ZNF740: variants seen among roughly 807,000 people sequenced by gnomAD.
The protein encoded by ZNF740 is oriLyt TD-element-binding protein 7.
A neutral mutation model predicts 24.8 loss-of-function variants in ZNF740; 14 were observed. The ratio of observed to expected loss-of-function variants is 0.56; its 90% CI spans 0.37 to 0.88. The LOEUF is 0.88. Ranked by LOEUF, ZNF740 falls within the 40% of genes least tolerant of loss-of-function variation. The probability of loss-of-function intolerance (pLI) is 0.00; values close to 1 mark genes in which losing one functional copy is unlikely to be tolerated. For synonymous variants in ZNF740, 69 were observed against 84.0 expected (o/e 0.82, Z 0.98); for missense variants, 201 against 247.9 (o/e 0.81, Z 1.27).
Position 53,191,958 on chromosome 12 carries a change from C to G in ZNF740, c.*4368C>G, listed in dbSNP as rs1941968358. 1.2e-6 allele frequency: 2 copies of G among 1,611,982 alleles called. No individual in the cohort carries two copies. The highest frequency in any genetic ancestry group is 1.7e-5 in the Admixed American group (1 of 60,018). On this transcript the variant is annotated 3_prime_UTR_variant, in exon 7 of 7. Transcript: ENST00000416904. ...GCCGGTAAGCCAGGACCAGCCCCAGCCCCACTGCCACGATGCCCCCTACGC... is the reference window on the plus strand; with the variant it reads ...GCCGGTAAGCCAGGACCAGCCCCAGGCCCACTGCCACGATGCCCCCTACGC...
Position 53,187,694 on chromosome 12 carries a change from C to G in ZNF740, c.*104C>G, listed in dbSNP as rs1941850485. 1.1e-6 allele frequency: 1 copy of G among 916,030 alleles called. No homozygotes were observed. The highest frequency in any genetic ancestry group is 1.4e-5 in the South Asian group (1 of 70,528). The allele number at this position is 916,030 out of a possible 1,614,324, so 56.7% of individuals were successfully genotyped here. A position where few individuals can be genotyped will look rare whatever the true frequency, so the allele number is the denominator to read the frequency against. Reference sequence around the variant, plus strand: ...CACCGCCCCATGTGAACCTGTCCCACTCCTGGAGGAGTGGACCCAGGAGAC... The same window carrying G: ...CACCGCCCCATGTGAACCTGTCCCAGTCCTGGAGGAGTGGACCCAGGAGAC... On this transcript the variant is annotated 3_prime_UTR_variant, in exon 7 of 7. Coordinates refer to ENST00000416904, the MANE Select transcript of ZNF740 (RefSeq NM_001004304.4).
chr12:53,192,783 G>C lies in ZNF740; in HGVS notation c.*5193G>C. 1 of 1,614,240 alleles carries C rather than the reference G, an allele frequency of 6.2e-7. No homozygotes were observed. The highest frequency in any genetic ancestry group is 8.5e-7 in the Non-Finnish European group (1 of 1,180,050). On this transcript the variant is annotated 3_prime_UTR_variant, in exon 7 of 7. Coordinates refer to ENST00000416904, the MANE Select transcript of ZNF740 (RefSeq NM_001004304.4). ...AGCACTGGCAGCGGTTGCATTTGCA[G>C]CGTCCATGCCCACTGCAGAGCCCTC...
rs1339906225 is a variant in ZNF740, at chr12:53,187,472, C to G, written c.493-29C>G. On this transcript the variant is annotated intron_variant, in intron 6 of 6. Coordinates refer to ENST00000416904, the MANE Select transcript of ZNF740 (RefSeq NM_001004304.4). ...CAACAGGTAGCTGCGTTTGTCTGCTCAGGCACTTAACCCTCCCTTTCTTCT... is the reference window on the plus strand; with the variant it reads ...CAACAGGTAGCTGCGTTTGTCTGCTGAGGCACTTAACCCTCCCTTTCTTCT... 6 of 1,600,248 alleles carry G rather than the reference C, an allele frequency of 3.7e-6. No individual in the cohort carries two copies. In the Admixed American group the frequency reaches 1.0e-4, roughly 27 times the overall value.
intron 2 of ZNF740, among the ~76,000 whole-genome samples, chr12:53,184,150 T>TGTGTGTGCGCGCACGCGCGC (rs59250662): frequency 9.6e-6 from 1 of 104,346 alleles, no homozygotes; most frequent in African/African-American, 3.7e-5. Context: ...TGTGTGTGTG[T>TGTGTGTGCGCGCACGCGCGC]GCGCGCGCGC....
chr12:53,187,690 C>T lies in ZNF740; in HGVS notation c.*100C>T. ...CCACCACCGCCCCATGTGAACCTGT[C>T]CCACTCCTGGAGGAGTGGACCCAGG... On this transcript the variant is annotated 3_prime_UTR_variant, in exon 7 of 7. Coordinates refer to ENST00000416904, the MANE Select transcript of ZNF740 (RefSeq NM_001004304.4). 1.0e-6 allele frequency: 1 copy of T among 960,900 alleles called. No individual in the cohort carries two copies. Among genetic ancestry groups the T allele is most frequent in the Non-Finnish European group, 1.6e-6 (1 of 610,590 alleles). The allele number at this position is 960,900 out of a possible 1,614,324, so 59.5% of individuals were successfully genotyped here.
At chr12:53,181,287 C>T in intron 1 of ZNF740, 3 of 985,452 alleles carry the variant, frequency 3.0e-6, no homozygotes, top group Non-Finnish European at 2.4e-6. Context: ...CTGCCCGCCA[C>T]CGAAGCACCC....
At chr12:53,181,089 C>A (rs1334201047) in intron 1 of ZNF740, 1 of 902,374 alleles carries the variant, frequency 1.1e-6, no homozygotes, top group Non-Finnish European at 1.3e-6. Flanking sequence ...ACGCATCTCG[C>A]GCGCTTCTCG....
rs371965955 is a variant in ZNF740, at chr12:53,194,359, C to T, written c.*6769C>T. ...GAAGACAGGCTCTATGGGAAGAGAG[C>T]GAGTGGATAACCACGTGAAGGCAGA... On this transcript the variant is annotated 3_prime_UTR_variant, in exon 7 of 7. Transcript: ENST00000416904. The T allele has an allele frequency of 6.2e-6, 10 of 1,613,260 alleles. No individual in the cohort carries two copies. The highest frequency in any genetic ancestry group is 5.1e-6 in the Non-Finnish European group (6 of 1,179,598).
intron 3 of ZNF740, 142 bp from the exon 4 acceptor site, chr12:53,185,245 G>C: frequency 8.7e-7 from 1 of 1,143,180 alleles, no homozygotes; most frequent in Non-Finnish European, 1.2e-6. Context: ...CAGGTGCTTG[G>C]AGAGGAAATA....
In ZNF740 at chr12:53,181,843, T is replaced by C; in HGVS notation, c.-141T>C. The C allele has an allele frequency of 9.2e-7, 1 of 1,083,224 alleles. No individual in the cohort carries two copies. Among genetic ancestry groups the C allele is most frequent in the Non-Finnish European group, 1.3e-6 (1 of 748,210 alleles). 67.1% of individuals were successfully genotyped at this position (1,083,224 alleles called of 1,614,324 possible). A position where few individuals can be genotyped will look rare whatever the true frequency, so the allele number is the denominator to read the frequency against. ...CACTAAGTTCTATTTGAAGACAAAGTTCAATATGGCAACAGGACTGATGGG... is the reference window on the plus strand; with the variant it reads ...CACTAAGTTCTATTTGAAGACAAAGCTCAATATGGCAACAGGACTGATGGG... On this transcript the variant is annotated 5_prime_UTR_variant, in exon 2 of 7. Transcript: ENST00000416904.
At position 53,193,790 on chromosome 12, in the gene ZNF740, A is replaced by G; in HGVS notation, c.*6200A>G. 2 of 1,614,126 alleles carry G rather than the reference A, an allele frequency of 1.2e-6. No homozygotes were observed. Among genetic ancestry groups the G allele is most frequent in the Admixed American group, 3.3e-5 (2 of 60,004 alleles). On this transcript the variant is annotated 3_prime_UTR_variant, in exon 7 of 7. Coordinates refer to ENST00000416904, the MANE Select transcript of ZNF740 (RefSeq NM_001004304.4). Reference sequence around the variant, plus strand: ...TGGGTGTCACTGCAATTACAGTCACACAGCGTGTGCAACTCCACAATCAGC... The same window carrying G: ...TGGGTGTCACTGCAATTACAGTCACGCAGCGTGTGCAACTCCACAATCAGC...
At position 53,192,976 on chromosome 12, in the gene ZNF740, C is replaced by G; in HGVS notation, c.*5386C>G. ...ACACACAGTTGGCCATCATGTGGCACGACAAGCCCACGCATCCAATCTTTT... is the reference window on the plus strand; with the variant it reads ...ACACACAGTTGGCCATCATGTGGCAGGACAAGCCCACGCATCCAATCTTTT... On this transcript the variant is annotated 3_prime_UTR_variant, in exon 7 of 7. Coordinates refer to ENST00000416904, the MANE Select transcript of ZNF740 (RefSeq NM_001004304.4). 2.0e-6 allele frequency: 3 copies of G among 1,513,804 alleles called. No individual in the cohort carries two copies. The highest frequency in any genetic ancestry group is 1.1e-5 in the South Asian group (1 of 87,678). The allele number at this position is 1,513,804 out of a possible 1,614,324, so 93.8% of individuals were successfully genotyped here.
chr12:53,181,562 T>A (rs538769577), intron 1 of ZNF740, 115 bp from the exon 2 acceptor site: 3 of 947,832 alleles, frequency 3.2e-6, no homozygotes, highest in Non-Finnish European at 3.8e-6. Context: ...TCTTGACTCA[T>A]GTCCTCGTTC....
Position 53,187,825 on chromosome 12 carries a change from G to A in ZNF740, c.*235G>A. 1 of 521,412 alleles carries A rather than the reference G, an allele frequency of 1.9e-6. No homozygotes were observed. The highest frequency in any genetic ancestry group is 2.0e-5 in the South Asian group (1 of 48,834). 32.3% of individuals were successfully genotyped at this position (521,412 alleles called of 1,614,324 possible). A position where few individuals can be genotyped will look rare whatever the true frequency, so the allele number is the denominator to read the frequency against. ...TCTTACAGCATTCCTGGGTAGGGGAGCTAGTCCCTGGACCCTTGGCTGAGG... is the reference window on the plus strand; with the variant it reads ...TCTTACAGCATTCCTGGGTAGGGGAACTAGTCCCTGGACCCTTGGCTGAGG... On this transcript the variant is annotated 3_prime_UTR_variant, in exon 7 of 7. Coordinates refer to ENST00000416904, the MANE Select transcript of ZNF740 (RefSeq NM_001004304.4).
chr12:53,180,893 T>C (rs772419018), intron 1 of ZNF740, 56 bp downstream of exon 1: 4 of 1,153,190 alleles, frequency 3.5e-6, no homozygotes. Flanking sequence ...AGCGCTTCAG[T>C]AGCTCGCAAG....
In ZNF740 at chr12:53,191,182, G is replaced by T. The variant is rs368436956; in HGVS notation, c.*3592G>T. Reference sequence around the variant, plus strand: ...TTCCTGGGTCCCAGGGTGCACCCCGGGAGTTTCCTGCACATTCGCGCTTGG... The same window carrying T: ...TTCCTGGGTCCCAGGGTGCACCCCGTGAGTTTCCTGCACATTCGCGCTTGG... On this transcript the variant is annotated 3_prime_UTR_variant, in exon 7 of 7. Coordinates refer to ENST00000416904, the MANE Select transcript of ZNF740 (RefSeq NM_001004304.4). 19 of 279,902 alleles carry T rather than the reference G, an allele frequency of 6.8e-5. No individual in the cohort carries two copies. The highest frequency in any genetic ancestry group is 1.2e-3 in the Middle Eastern group (1 of 808). The allele number at this position is 279,902 out of a possible 1,614,324, so 17.3% of individuals were successfully genotyped here.
rs916008682 is a variant in ZNF740, at chr12:53,194,325, G to C, written c.*6735G>C. On this transcript the variant is annotated 3_prime_UTR_variant, in exon 7 of 7. Coordinates refer to ENST00000416904, the MANE Select transcript of ZNF740 (RefSeq NM_001004304.4). ...AGGAGGGAGTGAAGAGTGTTCAAGG[G>C]TCACGGTGGAAGACAGGCTCTATGG... 2 of 1,613,932 alleles carry C rather than the reference G, an allele frequency of 1.2e-6. No homozygotes were observed. The highest frequency in any genetic ancestry group is 1.7e-6 in the Non-Finnish European group (2 of 1,180,000).
rs763369188 is a variant in ZNF740, at chr12:53,180,741, G to A, written c.-404G>A. ...GTGTTTGTAAACTTGCCTCGGTCCCGGTGGGGGCAGCCGCGGCGGTGGGGT... is the reference window on the plus strand; with the variant it reads ...GTGTTTGTAAACTTGCCTCGGTCCCAGTGGGGGCAGCCGCGGCGGTGGGGT... On this transcript the variant is annotated 5_prime_UTR_variant, in exon 1 of 7. Coordinates refer to ENST00000416904, the MANE Select transcript of ZNF740 (RefSeq NM_001004304.4). 29 of 1,265,632 alleles carry A rather than the reference G, an allele frequency of 2.3e-5. No homozygotes were observed. Among genetic ancestry groups the A allele is most frequent in the Middle Eastern group, 2.3e-4 (1 of 4,406 alleles). 78.4% of individuals were successfully genotyped at this position (1,265,632 alleles called of 1,614,324 possible). A position where few individuals can be genotyped will look rare whatever the true frequency, so the allele number is the denominator to read the frequency against.
rs766280322 is a variant in ZNF740, at chr12:53,185,034, G to A, written c.153G>A (p.Ser51=). 103 of 1,613,792 alleles carry A rather than the reference G, an allele frequency of 6.4e-5. 1 individual carries two copies. The Admixed American group carries it at 1.5e-3, about 23-fold the overall frequency. ...GTAGCCCTGATGTGCTGAGGTGCTC[G>A]AGTCAGGTACAGCGCTTGAGTCCAT... The part of the protein sequence containing the change: ...RAGSPDVLRC[S]SQGHRKDSDK... Residue 51 remains serine (S), a synonymous_variant, in exon 3 of 7, where the codon TCG becomes TCA. Transcript: ENST00000416904.
Sources: gnomAD v4.1 joint callset for allele counts (sites outside exome capture counted in the v4.1 genomes callset) on GRCh38, gnomAD v4.1.1 for gene constraint, MANE v1.5 for transcripts, NCBI Gene and HGNC (gene_info 2026-07-23, HGNC 2026-07-21) for gene names.